Variants in TACC2 observed in about 807,000 individuals in gnomAD.
TACC2 encodes the protein transforming acidic coiled-coil containing protein 2, also known as transforming acidic coiled-coil-containing protein 2.
A neutral mutation model predicts 227.3 loss-of-function variants in TACC2; 137 were observed. The observed-to-expected ratio is 0.60, with a 90% CI of 0.52 to 0.69. TACC2 has a LOEUF of 0.69. Ranked by LOEUF, TACC2 falls within the 30% of genes least tolerant of loss-of-function variation. TACC2 has a pLI of 0.00. For synonymous variants in TACC2, 1,523 were observed against 1,487.5 expected, an observed-to-expected ratio of 1.02 and a Z score of -0.55; for missense variants, 3,470 against 3,694.4, an observed-to-expected ratio of 0.94 and a Z score of 1.57.
rs192574035 is a variant in TACC2, at chr10:122,136,143, C to T, written c.5699+3409C>T. On this transcript the variant is annotated intron_variant, in intron 6 of 22. Coordinates refer to ENST00000369005, the MANE Select transcript of TACC2 (RefSeq NM_206862.4). ...TGAAAATGCTGTGCCTAGAAACTCACAGGAAGCTACCCCTATGTTTCCTCT... is the reference window on the plus strand; with the variant it reads ...TGAAAATGCTGTGCCTAGAAACTCATAGGAAGCTACCCCTATGTTTCCTCT... Among the ~76,000 whole-genome samples, 1,005 of 151,844 alleles carry T rather than the reference C, an allele frequency of 6.6e-3. 9 individuals are homozygous for T. Among genetic ancestry groups the T allele is most frequent in the Non-Finnish European group, 7.5e-3 (508 of 68,034 alleles).
At chr10:122,250,136 G>A (rs1361412019) in intron 22 of TACC2, among the ~76,000 whole-genome samples, 2 of 152,194 alleles carry the variant, frequency 1.3e-5, no homozygotes, top group Non-Finnish European at 2.9e-5. Context: ...AGGACACTGA[G>A]CTTGTGCGCA....
chr10:122,216,221 T>C (rs1193584351), intron 10 of TACC2, among the ~76,000 whole-genome samples: 2 of 152,136 alleles, frequency 1.3e-5, no homozygotes, highest in Non-Finnish European at 2.9e-5. Flanking sequence ...GAAATGGAGA[T>C]AAGATCCCCC....
In TACC2 at chr10:122,129,756, C is replaced by T. The variant is rs1263687859; in HGVS notation, c.5574-2853C>T. ...TGGGCTCACTGCTTCTTCCATTTCT[C>T]TTTGCAGTGATCTCTTTCTCTGACT... is the stretch of plus-strand genomic sequence containing the variant. On this transcript the variant is annotated intron_variant, in intron 5 of 22. Coordinates refer to ENST00000369005, the MANE Select transcript of TACC2 (RefSeq NM_206862.4). Among the ~76,000 whole-genome samples, 3 of 152,284 alleles carry T rather than the reference C, an allele frequency of 2.0e-5. No individual in the cohort carries two copies. The South Asian group carries it at 6.2e-4, about 32-fold the overall frequency.
At chr10:122,095,526 C>T (rs1391664964) in intron 5 of TACC2, among the ~76,000 whole-genome samples, 1 of 152,220 alleles carries the variant, frequency 6.6e-6, no homozygotes, top group African/African-American at 2.4e-5. Flanking sequence ...TCACCTCAAC[C>T]TGTAGGTGGG....
intron 3 of TACC2, chr10:122,051,666 C>T (rs1565164207): frequency 6.7e-6 from 1 of 149,476 alleles, no homozygotes; most frequent in Admixed American, 6.7e-5. Flanking sequence ...CTCTGTGGAA[C>T]AAAAATGCAA....
intron 1 of TACC2, among the ~76,000 whole-genome samples, chr10:122,015,314 G>T (rs1366571642): frequency 6.6e-6 from 1 of 152,090 alleles, no homozygotes; most frequent in Admixed American, 6.6e-5. Context: ...AGACCAGCCT[G>T]CCCAACATGG....
chr10:122,226,117 G>A (rs1007872482), intron 12 of TACC2, among the ~76,000 whole-genome samples: 5 of 152,150 alleles, frequency 3.3e-5, no homozygotes, highest in Admixed American at 6.5e-5. Flanking sequence ...ACGCCGTGGC[G>A]TCTTCTCCCC....
In TACC2 at chr10:122,192,238, G is replaced by A. The variant is rs74538607; in HGVS notation, c.5835-2802G>A. Among the ~76,000 whole-genome samples, 35 of 152,326 alleles carry A rather than the reference G, an allele frequency of 2.3e-4. No individual in the cohort carries two copies. The East Asian group carries it at 6.0e-3, about 26-fold the overall frequency. ...GCAAGGGACCACAAAGAGGCTTGGT[G>A]TGCCCTGGCCCACCCCATGCTCTGC... On this transcript the variant is annotated intron_variant, in intron 7 of 22. Coordinates refer to ENST00000369005, the MANE Select transcript of TACC2 (RefSeq NM_206862.4).
rs1490439884 is a variant in TACC2 at position 122,083,154 on chromosome 10, C to T, written c.654C>T (p.Asp218=). The T allele has an allele frequency of 1.2e-6, 2 of 1,613,184 alleles. No homozygotes were observed. The highest frequency in any genetic ancestry group is 2.2e-5 in the East Asian group (1 of 44,852). Residue 218 remains aspartate (D), a synonymous_variant, in exon 4 of 23, where the codon GAC becomes GAT. Coordinates refer to ENST00000369005, the MANE Select transcript of TACC2 (RefSeq NM_206862.4). The part of the protein sequence containing the change: ...PMKAPLCGEG[D]QPGGFESQEK... ...AGGCACCGCTGTGTGGAGAGGGGGA[C>T]CAGCCTGGTGGTTTTGAGTCCCAAG... is the stretch of plus-strand genomic sequence containing the variant.
At chr10:121,989,836 T>A (rs1234826316) in intron 1 of TACC2, among the ~76,000 whole-genome samples, 1 of 152,024 alleles carries the variant, frequency 6.6e-6, no homozygotes, top group Non-Finnish European at 1.5e-5. Flanking sequence ...TGGCTCACTG[T>A]AGCCCAGAAC....
At chr10:121,999,758 C>G (rs1412698567) in intron 1 of TACC2, among the ~76,000 whole-genome samples, 3 of 152,130 alleles carry the variant, frequency 2.0e-5, no homozygotes, top group African/African-American at 7.2e-5. Flanking sequence ...TGATGTCAAT[C>G]TTGGAGAAGC....
intron 1 of TACC2, among the ~76,000 whole-genome samples, chr10:122,005,548 C>CTGATTT (rs2135190804): frequency 6.6e-6 from 1 of 150,720 alleles, no homozygotes; most frequent in South Asian, 2.1e-4. Context: ...CCACGCCCGG[C>CTGATTT]TGATTTTTTG....
chr10:122,195,759 TG>T, intron 8 of TACC2, among the ~76,000 whole-genome samples: 1 of 152,200 alleles, frequency 6.6e-6, no homozygotes, highest in South Asian at 2.1e-4. Context: ...CCCACCCCTG[TG>T]GGGCATGCAT....
intron 5 of TACC2, among the ~76,000 whole-genome samples, chr10:122,118,015 CT>C (rs902640167): frequency 1.4e-3 from 188 of 138,494 alleles, no homozygotes; most frequent in Admixed American, 1.5e-3. Context: ...TTCTCTTTTT[CT>C]TTTTTTTTTT....
At chr10:122,120,939 A>G (rs189715884) in intron 5 of TACC2, among the ~76,000 whole-genome samples, 71 of 152,078 alleles carry the variant, frequency 4.7e-4, no homozygotes, top group Non-Finnish European at 8.8e-4. Flanking sequence ...TAATTTTTGC[A>G]TTTTTTGGTA....
rs974194885 is a variant in TACC2, at chr10:122,181,675, C to T, written c.5835-13365C>T. Among the ~76,000 whole-genome samples the T allele has an allele frequency of 3.9e-5, 6 of 152,138 alleles. 1 individual carries two copies. The South Asian group carries it at 8.3e-4, about 21-fold the overall frequency. ...GTTTTCTCCTACAAGATGTCAGAAT[C>T]GTGTAATTCGTATATTAAGTGCTTT... On this transcript the variant is annotated intron_variant, in intron 7 of 22. Coordinates refer to ENST00000369005, the MANE Select transcript of TACC2 (RefSeq NM_206862.4).
At chr10:122,095,494 A>G (rs1237627325) in intron 5 of TACC2, among the ~76,000 whole-genome samples, 2 of 152,148 alleles carry the variant, frequency 1.3e-5, no homozygotes, top group Non-Finnish European at 2.9e-5. Context: ...GTACTTCCAC[A>G]CTGCAGCATC....
intron 6 of TACC2, among the ~76,000 whole-genome samples, chr10:122,134,257 C>T (rs554926141): frequency 3.6e-4 from 55 of 151,962 alleles, no homozygotes; most frequent in Admixed American, 1.8e-3. Context: ...CTGCAACCTC[C>T]GCTTCCTGGG....
At chr10:122,055,990 T>G (rs2076177459) in intron 3 of TACC2, among the ~76,000 whole-genome samples, 1 of 152,180 alleles carries the variant, frequency 6.6e-6, no homozygotes, top group Non-Finnish European at 1.5e-5. Context: ...CCTGTCTCAC[T>G]TTGTCACTGA....
Sources: gnomAD v4.1 joint callset for allele counts (sites outside exome capture counted in the v4.1 genomes callset) on GRCh38, gnomAD v4.1.1 for gene constraint, MANE v1.5 for transcripts, NCBI Gene and HGNC (gene_info 2026-07-23, HGNC 2026-07-21) for gene names.